SEMA5A: variants seen among roughly 807,000 people sequenced by gnomAD.
SEMA5A encodes semaphorin-5A.
SEMA5A carries 55 observed loss-of-function variants against 135.5 expected under a neutral mutation model. The observed-to-expected ratio is 0.41, with a 90% confidence interval of 0.33 to 0.51. The LOEUF is 0.51. Among genes scored for constraint, SEMA5A ranks in the 20% least tolerant of loss-of-function variants. SEMA5A has a pLI of 0.37. For synonymous variants in SEMA5A, 580 were observed against 546.5 expected, an observed-to-expected ratio of 1.06 and a Z score of -0.85; for missense variants, 1,290 against 1,419.9, an observed-to-expected ratio of 0.91 and a Z score of 1.47.
intron 1 of SEMA5A, among the ~76,000 whole-genome samples, chr5:9,493,138 A>G (rs995420222): frequency 3.3e-5 from 5 of 152,038 alleles, no homozygotes; most frequent in Non-Finnish European, 5.9e-5. Context: ...AGAACACTCT[A>G]TACTTGTTGC....
chr5:9,095,403 A>G (rs1478236096), intron 16 of SEMA5A, among the ~76,000 whole-genome samples: 1 of 152,258 alleles, frequency 6.6e-6, no homozygotes, highest in Non-Finnish European at 1.5e-5. Flanking sequence ...TCATAAAAAA[A>G]TTAAAAATAA....
chr5:9,540,024 T>C (rs1372514798), intron 1 of SEMA5A, among the ~76,000 whole-genome samples: 2 of 152,214 alleles, frequency 1.3e-5, no homozygotes, highest in Admixed American at 6.5e-5. Flanking sequence ...TTAGAGTCCA[T>C]GGTTAGCCCC....
intron 16 of SEMA5A, among the ~76,000 whole-genome samples, chr5:9,091,240 C>A (rs1243006665): frequency 1.3e-5 from 2 of 152,156 alleles, no homozygotes; most frequent in East Asian, 3.9e-4. Flanking sequence ...ACTTTTCTTT[C>A]CCCACAAAAC....
intron 17 of SEMA5A, among the ~76,000 whole-genome samples, chr5:9,065,547 G>A (rs561633762): frequency 6.6e-6 from 1 of 152,334 alleles, no homozygotes; most frequent in South Asian, 2.1e-4. Flanking sequence ...AATCACCTGT[G>A]CAAAGATGCT....
intron 1 of SEMA5A, among the ~76,000 whole-genome samples, chr5:9,448,590 G>C (rs1339527353): frequency 6.6e-6 from 1 of 152,180 alleles, no homozygotes; most frequent in African/African-American, 2.4e-5. Context: ...GTTTTGGTTT[G>C]CTAAGCCATT....
intron 5 of SEMA5A, among the ~76,000 whole-genome samples, chr5:9,272,037 G>A (rs1343099296): frequency 6.6e-6 from 1 of 152,046 alleles, no homozygotes; most frequent in African/African-American, 2.4e-5. Context: ...CCTGGAAAGG[G>A]GGCTGAAGCC....
intron 8 of SEMA5A, among the ~76,000 whole-genome samples, chr5:9,208,709 A>G (rs1412334030): frequency 6.6e-6 from 1 of 152,170 alleles, no homozygotes; most frequent in Non-Finnish European, 1.5e-5. Context: ...ACAGGACGGG[A>G]GGTGGAAAGC....
intron 2 of SEMA5A, among the ~76,000 whole-genome samples, chr5:9,423,089 C>A (rs1025829697): frequency 6.6e-6 from 1 of 152,122 alleles, no homozygotes; most frequent in African/African-American, 2.4e-5. Context: ...TAGCTGATAT[C>A]TTACCACCGC....
At chr5:9,158,967 T>A (rs1430958810) in intron 11 of SEMA5A, among the ~76,000 whole-genome samples, 1 of 152,212 alleles carries the variant, frequency 6.6e-6, no homozygotes, top group Non-Finnish European at 1.5e-5. Context: ...CAGATAAACA[T>A]GAATAATATT....
At chr5:9,458,129 G>T (rs1231070038) in intron 1 of SEMA5A, among the ~76,000 whole-genome samples, 1 of 151,848 alleles carries the variant, frequency 6.6e-6, no homozygotes, top group Non-Finnish European at 1.5e-5. Context: ...GGATGGTCTC[G>T]ATCTCCTGAC....
intron 1 of SEMA5A, among the ~76,000 whole-genome samples, chr5:9,542,272 C>T (rs1426459601): frequency 2.0e-5 from 3 of 152,166 alleles, no homozygotes; most frequent in African/African-American, 7.2e-5. Context: ...GAGATTGCCC[C>T]CTATCATTTC....
At chr5:9,077,883 A>G (rs1310670325) in intron 16 of SEMA5A, among the ~76,000 whole-genome samples, 1 of 152,194 alleles carries the variant, frequency 6.6e-6, no homozygotes, top group Middle Eastern at 3.2e-3. Context: ...TGTGCACAAC[A>G]TATATATGTG....
intron 15 of SEMA5A, among the ~76,000 whole-genome samples, chr5:9,113,333 A>C (rs1740342859): frequency 6.6e-6 from 1 of 152,232 alleles, no homozygotes; most frequent in African/African-American, 2.4e-5. Flanking sequence ...AGCACATTAA[A>C]GAAAATCTAA....
rs1028477850 is a variant in SEMA5A, at chr5:9,545,006, G to C, written c.-175+578C>G. 1.3e-5 allele frequency among the ~76,000 whole-genome samples: 2 copies of C among 152,208 alleles called. No homozygotes were observed. Among genetic ancestry groups the C allele is most frequent in the African/African-American group, 4.8e-5 (2 of 41,466 alleles). On this transcript the variant is annotated intron_variant, in intron 1 of 22. Transcript: ENST00000382496. The surrounding 1 kb of genome is among the most constrained non-coding windows in gnomAD (Gnocchi z 4.5). ...CGCCTAGCTGCAGCGCACCTGGCTGGTGGTTCCCCAGGCCTCTGCATCCCC... is the reference window on the plus strand; with the variant it reads ...CGCCTAGCTGCAGCGCACCTGGCTGCTGGTTCCCCAGGCCTCTGCATCCCC...
chr5:9,149,084 C>CT (rs35972565), intron 12 of SEMA5A, among the ~76,000 whole-genome samples: 1 of 152,114 alleles, frequency 6.6e-6, no homozygotes, highest in East Asian at 1.9e-4. Flanking sequence ...ATTTTCTGCT[C>CT]TTTTTTTGGC....
At chr5:9,344,633 G>T (rs1393124796) in intron 3 of SEMA5A, among the ~76,000 whole-genome samples, 4 of 152,242 alleles carry the variant, frequency 2.6e-5, no homozygotes, top group African/African-American at 7.2e-5. Flanking sequence ...GGGGAAAGAA[G>T]ATCTCAATAT....
At chr5:9,211,097 T>G (rs1273823207) in intron 8 of SEMA5A, among the ~76,000 whole-genome samples, 1 of 152,224 alleles carries the variant, frequency 6.6e-6, no homozygotes, top group Non-Finnish European at 1.5e-5. Context: ...CATCTCATTG[T>G]GCTGTGTCAC....
chr5:9,218,413 G>A (rs1341658704), intron 8 of SEMA5A, among the ~76,000 whole-genome samples: 3 of 152,186 alleles, frequency 2.0e-5, no homozygotes, highest in South Asian at 2.1e-4. Context: ...ATATGAGCAC[G>A]CAGTAAAAGT....
chr5:9,539,551 T>C (rs1737964335), intron 1 of SEMA5A, among the ~76,000 whole-genome samples: 2 of 152,214 alleles, frequency 1.3e-5, no homozygotes, highest in Non-Finnish European at 2.9e-5. Context: ...AGGGTGCTGT[T>C]TTAAATGAGA....
Sources: allele counts gnomAD v4.1 joint callset (sites outside exome capture counted in the v4.1 genomes callset), GRCh38; gene constraint gnomAD v4.1.1; non-coding constraint Gnocchi (gnomAD v3.1); transcripts MANE v1.5; gene names NCBI Gene and HGNC (gene_info 2026-07-23, HGNC 2026-07-21).